Variants in ZNF783 observed in about 807,000 individuals in gnomAD.
ZNF783 encodes the protein protein ZNF783.
In ZNF783, 25 loss-of-function variants were observed where a neutral mutation model predicts 31.3. The observed-to-expected ratio is 0.80, with a 90% CI of 0.58 to 1.11. The LOEUF (loss-of-function observed/expected upper bound fraction) is 1.11. Among genes scored for constraint, ZNF783 ranks in the 50% most tolerant of loss-of-function variants. The probability of loss-of-function intolerance (pLI) is 0.00; values close to 1 mark genes in which losing one functional copy is unlikely to be tolerated. For missense variants in ZNF783, 797 were observed against 760.0 expected, an observed-to-expected ratio of 1.05 and a Z score of -0.57; for synonymous variants, 369 against 319.1, an observed-to-expected ratio of 1.16 and a Z score of -1.66.
At chr7:149,275,789 C>T (rs1412615684) in intron 4 of ZNF783, 2 of 152,298 alleles carry the variant, frequency 1.3e-5, no homozygotes, top group South Asian at 4.1e-4. Flanking sequence ...ACTAGGAGCA[C>T]TGCTGACTTG....
rs71194636 is a variant in ZNF783 at position 149,282,982 on chromosome 7, T to TGTTGTTGTTGTTGTTGTTG, written c.*639_*640insGTTGTTGTTGTTGTTGTTG. On this transcript the variant is annotated 3_prime_UTR_variant, in exon 6 of 6. Coordinates refer to ENST00000434415, the MANE Select transcript of ZNF783 (RefSeq NM_001195220.2). ...GTTTTTTTTTTGTTGTTGTTGTTGTTTTTTTAAGATGGAGTTTCACTCTTG... is the reference window on the plus strand; with the variant it reads ...GTTTTTTTTTTGTTGTTGTTGTTGTTGTTGTTGTTGTTGTTGTTGTTTTTAAGATGGAGTTTCACTCTTG... 6.9e-6 allele frequency: 1 copy of TGTTGTTGTTGTTGTTGTTG among 144,150 alleles called. No homozygotes were observed. The highest frequency in any genetic ancestry group is 1.5e-5 in the Non-Finnish European group (1 of 65,788). 8.9% of individuals were successfully genotyped at this position (144,150 alleles called of 1,614,324 possible).
intron 5 of ZNF783, among the ~76,000 whole-genome samples, chr7:149,279,957 C>A (rs919587804): frequency 1.6e-4 from 25 of 152,184 alleles, no homozygotes; most frequent in Admixed American, 1.6e-3. Context: ...CATTGTCATC[C>A]CGGCCCGTTC....
At chr7:149,277,384 A>G (rs1034672654) in intron 4 of ZNF783, 1 of 152,208 alleles carries the variant, frequency 6.6e-6, no homozygotes, top group African/African-American at 2.4e-5. Flanking sequence ...GCATTCTGTC[A>G]ACTCTCACTG....
In ZNF783 at chr7:149,284,504, A is replaced by T. The variant is rs1429657797; in HGVS notation, c.*2161A>T. On this transcript the variant is annotated 3_prime_UTR_variant, in exon 6 of 6. Transcript: ENST00000434415. ...CTTCACAAACCAGAGACGGGCTGTC[A>T]GCAAGAGCTCAGACAGGATGTGGTG... The T allele has an allele frequency of 6.6e-6, 1 of 152,378 alleles. No homozygotes were observed. The highest frequency in any genetic ancestry group is 1.5e-5 in the Non-Finnish European group (1 of 68,152). The allele number at this position is 152,378 out of a possible 1,614,324, so 9.4% of individuals were successfully genotyped here.
intron 1 of ZNF783, among the ~76,000 whole-genome samples, chr7:149,262,775 C>T (rs1365654284): frequency 6.6e-6 from 1 of 152,248 alleles, no homozygotes; most frequent in Non-Finnish European, 1.5e-5. Flanking sequence ...GGTCACGCAT[C>T]TATTAGAGGC....
chr7:149,266,387 C>G lies in ZNF783; in HGVS notation c.77C>G (p.Pro26Arg). ...TEDQSPSTPLPQPAAEKNSYL... is the reference protein window; with the variant it reads ...TEDQSPSTPLRQPAAEKNSYL... ...GACCAGAGTCCTTCGACACCCTTGCCCCAGCCAGCTGCTGAGAAGAACTCG... is the reference window on the plus strand; with the variant it reads ...GACCAGAGTCCTTCGACACCCTTGCGCCAGCCAGCTGCTGAGAAGAACTCG... Residue 26 changes from proline (P) to arginine (R), a missense_variant, in exon 2 of 6, where the codon CCC becomes CGC. Coordinates refer to ENST00000434415, the MANE Select transcript of ZNF783 (RefSeq NM_001195220.2). 1.3e-6 allele frequency: 2 copies of G among 1,599,364 alleles called. No individual in the cohort carries two copies. Among genetic ancestry groups the G allele is most frequent in the South Asian group, 1.1e-5 (1 of 90,928 alleles).
Position 149,282,965 on chromosome 7 carries a change from T to TTTTTGTTGTTGTTGTTGTTGTTGTTG in ZNF783, c.*624_*625insTTGTTGTTGTTGTTGTTGTTGTTGTT, listed in dbSNP as rs367820256. 1.5e-5 allele frequency: 2 copies of TTTTTGTTGTTGTTGTTGTTGTTGTTG among 131,056 alleles called. No homozygotes were observed. Among genetic ancestry groups the TTTTTGTTGTTGTTGTTGTTGTTGTTG allele is most frequent in the Non-Finnish European group, 3.4e-5 (2 of 58,990 alleles). The allele number at this position is 131,056 out of a possible 1,614,324, so 8.1% of individuals were successfully genotyped here. On this transcript the variant is annotated 3_prime_UTR_variant, in exon 6 of 6. Transcript: ENST00000434415. Reference sequence around the variant, plus strand: ...AGCCTGTGGGTCTTTTGGTTTTTTTTTTGTTGTTGTTGTTGTTTTTTTAAG... The same window carrying TTTTTGTTGTTGTTGTTGTTGTTGTTG: ...AGCCTGTGGGTCTTTTGGTTTTTTTTTTTTGTTGTTGTTGTTGTTGTTGTTGTTGTTGTTGTTGTTGTTTTTTTAAG...
intron 5 of ZNF783, among the ~76,000 whole-genome samples, chr7:149,280,224 G>C (rs1330025396): frequency 6.6e-6 from 1 of 152,116 alleles, no homozygotes; most frequent in African/African-American, 2.4e-5. Context: ...GGGGTGGCCG[G>C]GCAGAGGCGC....
chr7:149,276,198 C>T (rs1797325507), intron 4 of ZNF783: 1 of 396,778 alleles, frequency 2.5e-6, no homozygotes, highest in Non-Finnish European at 3.4e-6. Flanking sequence ...GCCTTATTTT[C>T]AATTCTTAGT....
At chr7:149,263,292 GTGTGTGTGTGTGTA>G (rs1305673869) in intron 1 of ZNF783, among the ~76,000 whole-genome samples, 12 of 82,770 alleles carry the variant, frequency 1.4e-4, no homozygotes, top group African/African-American at 1.8e-4. Context: ...GTGTGTGTGT[GTGTGTGTGTGTGTA>G]TATATATATA....
At chr7:149,269,383 G>C (rs1797158571) in intron 4 of ZNF783, among the ~76,000 whole-genome samples, 1 of 152,226 alleles carries the variant, frequency 6.6e-6, no homozygotes, top group African/African-American at 2.4e-5. Flanking sequence ...AGCTTACTCT[G>C]TTGGTAGTTT....
chr7:149,271,738 C>G (rs188967282), intron 4 of ZNF783, among the ~76,000 whole-genome samples: 2 of 152,102 alleles, frequency 1.3e-5, no homozygotes, highest in African/African-American at 4.8e-5. Context: ...ATCTTGATTC[C>G]TTTCTTATTT....
chr7:149,273,065 G>A (rs1024021832), intron 4 of ZNF783, among the ~76,000 whole-genome samples: 41 of 152,156 alleles, frequency 2.7e-4, no homozygotes, highest in African/African-American at 9.9e-4. Flanking sequence ...CCATGTTGTT[G>A]CAGATGACAG....
chr7:149,269,283 T>C (rs1478520840), intron 4 of ZNF783, among the ~76,000 whole-genome samples: 1 of 152,208 alleles, frequency 6.6e-6, no homozygotes, highest in Non-Finnish European at 1.5e-5. Flanking sequence ...CATTTATTGC[T>C]TGTTGATTTA....
intron 5 of ZNF783, 73 bp downstream of exon 5, chr7:149,278,600 G>GCGATCC: frequency 6.3e-7 from 1 of 1,584,706 alleles, no homozygotes; most frequent in Non-Finnish European, 8.5e-7. Context: ...CGATGGTGCT[G>GCGATCC]AGGAAAAGCC....
chr7:149,278,168 GTGATTTCCTGTCTGC>G, intron 4 of ZNF783: 1 of 1,308,426 alleles, frequency 7.6e-7, no homozygotes, highest in Non-Finnish European at 9.8e-7. Flanking sequence ...GATCATTACC[GTGATTTCCTGTCTGC>G]TGAATTCCTG....
chr7:149,268,929 G>A (rs38533), intron 4 of ZNF783, among the ~76,000 whole-genome samples: 1 of 152,110 alleles, frequency 6.6e-6, no homozygotes, highest in African/African-American at 2.4e-5. Context: ...TATATTTTTG[G>A]TATAATGATC....
At chr7:149,269,032 C>T (rs914973746) in intron 4 of ZNF783, among the ~76,000 whole-genome samples, 2 of 152,198 alleles carry the variant, frequency 1.3e-5, no homozygotes, top group South Asian at 2.1e-4. Context: ...AACTGCTTTC[C>T]ACAGTGGCTG....
At chr7:149,277,310 A>G (rs544773179) in intron 4 of ZNF783, 1 of 152,178 alleles carries the variant, frequency 6.6e-6, no homozygotes, top group South Asian at 2.1e-4. Context: ...TCCAATTTCA[A>G]ATTCCTCTTA....
Sources: allele counts gnomAD v4.1 joint callset (sites outside exome capture counted in the v4.1 genomes callset), GRCh38; gene constraint gnomAD v4.1.1; transcripts MANE v1.5; gene names NCBI Gene and HGNC (gene_info 2026-07-23, HGNC 2026-07-21).